The following MGAM variants were observed in gnomAD, a reference collection of about 807,000 sequenced individuals.
MGAM encodes maltase-glucoamylase.
Under a neutral mutation model 358.8 loss-of-function variants are expected in MGAM, and 253 were observed. That is an observed-to-expected ratio of 0.71 (90% CI 0.64 to 0.78). The LOEUF (loss-of-function observed/expected upper bound fraction) is 0.78. Ranked by LOEUF, MGAM falls within the 30% of genes least tolerant of loss-of-function variation. MGAM has a pLI of 0.00. For missense variants in MGAM, 3,080 were observed against 3,432.6 expected (o/e 0.90, Z 2.57); for synonymous variants, 1,105 against 1,227.1 (o/e 0.90, Z 2.08).
chr7:142,091,853 T>C, intron 57 of MGAM, 60 bp from the exon 58 acceptor site: 1 of 1,370,776 alleles, frequency 7.3e-7, no homozygotes, highest in East Asian at 2.4e-5. Context: ...TCTCAGTAAG[T>C]GCCTGTTTGC....
chr7:142,051,064 G>T (rs1261164469), intron 24 of MGAM, among the ~76,000 whole-genome samples, 200 bp downstream of exon 24: 1 of 151,994 alleles, frequency 6.6e-6, no homozygotes, highest in African/African-American at 2.4e-5. Flanking sequence ...TCCCTTCTCT[G>T]CCTATCAGTG....
chr7:142,042,386 T>A (rs1333560037), intron 21 of MGAM, among the ~76,000 whole-genome samples: 1 of 5,284 alleles, frequency 1.9e-4, no homozygotes, highest in Admixed American at 4.5e-3. Flanking sequence ...TAACATATAT[T>A]ATATATACAT....
At chr7:142,029,258 G>A (rs992986010) in intron 10 of MGAM, among the ~76,000 whole-genome samples, 3 of 152,146 alleles carry the variant, frequency 2.0e-5, no homozygotes, top group African/African-American at 7.2e-5. Flanking sequence ...TATTCGGGAA[G>A]CTGAGACATG....
At chr7:142,064,745 A>G (rs1812558392) in intron 37 of MGAM, among the ~76,000 whole-genome samples, 1 of 152,226 alleles carries the variant, frequency 6.6e-6, no homozygotes, top group Admixed American at 6.5e-5. Flanking sequence ...CCCACCAGTG[A>G]AAAACTTAAT....
chr7:142,006,573 T>C (rs574982637), intron 2 of MGAM, among the ~76,000 whole-genome samples: 1 of 152,268 alleles, frequency 6.6e-6, no homozygotes, highest in African/African-American at 2.4e-5. Context: ...TTGGGAGCCA[T>C]TGCTTTGTGC....
At chr7:142,024,818 T>C (rs1806801907) in intron 7 of MGAM, among the ~76,000 whole-genome samples, 1 of 152,232 alleles carries the variant, frequency 6.6e-6, no homozygotes, top group Non-Finnish European at 1.5e-5. Flanking sequence ...TATCACAGCC[T>C]TCACATTCCT....
intron 10 of MGAM, among the ~76,000 whole-genome samples, chr7:142,029,666 A>G (rs1370410987): frequency 6.6e-6 from 1 of 152,220 alleles, no homozygotes; most frequent in Non-Finnish European, 1.5e-5. Context: ...AGGATATAGT[A>G]TGGACATGTA....
chr7:141,997,064 A>G (rs1349755813), intron 1 of MGAM, among the ~76,000 whole-genome samples: 1 of 152,230 alleles, frequency 6.6e-6, no homozygotes, highest in Admixed American at 6.5e-5. Flanking sequence ...GTCTAGCTAG[A>G]CACACGCAGG....
intron 34 of MGAM, among the ~76,000 whole-genome samples, chr7:142,061,048 G>T (rs955012339): frequency 2.0e-5 from 3 of 152,158 alleles, no homozygotes; most frequent in Non-Finnish European, 2.9e-5. Context: ...TTGCTTGAAT[G>T]AATACATGGC....
rs140862691 is a variant in MGAM, at chr7:142,088,594, A to ATATC, written c.6810+1894_6810+1897dup. ...TATCTATCATCTACCTCATCTATCT[A>ATATC]TATCTATCTATCTATCTATCCACTC... On this transcript the variant is annotated intron_variant, in intron 57 of 70. Coordinates refer to ENST00000475668, the MANE Select transcript of MGAM (RefSeq NM_001365693.1). Among the ~76,000 whole-genome samples, 13 of 140,020 alleles carry ATATC rather than the reference A, an allele frequency of 9.3e-5. 1 individual carries two copies. Among genetic ancestry groups the ATATC allele is most frequent in the South Asian group, 6.9e-4 (3 of 4,328 alleles). The allele number at this position is 140,020 out of a possible 152,430, so 91.9% of individuals were successfully genotyped here.
Position 142,076,942 on chromosome 7 carries a change from T to C in MGAM, c.5493+116T>C. The C allele has an allele frequency of 2.5e-6, 3 of 1,203,674 alleles. 1 individual carries two copies. Among genetic ancestry groups the C allele is most frequent in the Non-Finnish European group, 3.6e-6 (3 of 840,388 alleles). The allele number at this position is 1,203,674 out of a possible 1,614,324, so 74.6% of individuals were successfully genotyped here. ...TACCAGGGCACCTTTGATGCATGTT[T>C]TGGGGAATTGAGAGGGCACCTTTGA... On this transcript the variant is annotated intron_variant, in intron 47 of 70. Transcript: ENST00000475668.
intron 67 of MGAM, among the ~76,000 whole-genome samples, chr7:142,100,023 A>C (rs1468487182): frequency 6.6e-6 from 1 of 152,216 alleles, no homozygotes; most frequent in Non-Finnish European, 1.5e-5. Flanking sequence ...ACCACGATTC[A>C]TAATAGTTTT....
Position 142,034,788 on chromosome 7 carries a change from C to A in MGAM, c.1906C>A (p.Leu636Met), listed in dbSNP as rs373321374. The A allele has an allele frequency of 2.5e-6, 4 of 1,613,406 alleles. No individual in the cohort carries two copies. The highest frequency in any genetic ancestry group is 2.2e-5 in the South Asian group (2 of 91,076). ...LGDNTATWDD[L>M]RWSIPGVLEF... ...AGACAACACTGCCACCTGGGATGAC[C>A]TGAGATGGTCCATCCCTGGCGTGCT... is the stretch of plus-strand genomic sequence containing the variant. Residue 636 changes from leucine (L) to methionine (M), a missense_variant, in exon 16 of 71, where the codon CTG becomes ATG. Physicochemically the swap from Leu to Met is conservative, Grantham distance 15. Coordinates refer to ENST00000475668, the MANE Select transcript of MGAM (RefSeq NM_001365693.1).
At chr7:142,052,526 A>G (rs1563168698) in intron 25 of MGAM, 80 bp downstream of exon 25, 5 of 1,540,554 alleles carry the variant, frequency 3.2e-6, no homozygotes, top group East Asian at 2.3e-5. Context: ...AGTGGTACTT[A>G]CATAACTACT....
rs1195300267 is a variant in MGAM at position 142,043,213 on chromosome 7, C to A, written c.2498+2367C>A. On this transcript the variant is annotated intron_variant, in intron 21 of 70. Transcript: ENST00000475668. ...AAATATAATATATATATTATATATACATATAATATCTAAATATAATATATA... is the reference window on the plus strand; with the variant it reads ...AAATATAATATATATATTATATATAAATATAATATCTAAATATAATATATA... Among the ~76,000 whole-genome samples the A allele has an allele frequency of 6.6e-4, 7 of 10,640 alleles. 2 individuals are homozygous for A. Among genetic ancestry groups the A allele is most frequent in the African/African-American group, 4.0e-3 (7 of 1,730 alleles). 7.0% of individuals were successfully genotyped at this position (10,640 alleles called of 152,430 possible).
In MGAM at chr7:142,042,182, TATTATATATACATATAATATATAAC is replaced by T. The variant is rs1156534931; in HGVS notation, c.2498+1339_2498+1363del. On this transcript the variant is annotated intron_variant, in intron 21 of 70. Transcript: ENST00000475668. ...TACATATAATATATAATATATAACA[TATTATATATACATATAATATATAAC>T]ATATTATATATACATATAATATATA... is the stretch of plus-strand genomic sequence containing the variant. Among the ~76,000 whole-genome samples, 152 of 16,784 alleles carry T rather than the reference TATTATATATACATATAATATATAAC, an allele frequency of 9.1e-3. 39 individuals carry two copies. The highest frequency in any genetic ancestry group is 0.024 in the African/African-American group (90 of 3,762). 11.0% of individuals were successfully genotyped at this position (16,784 alleles called of 152,430 possible).
chr7:142,082,145 A>G lies in MGAM; in HGVS notation c.6106A>G (p.Thr2036Ala). Residue 2036 changes from threonine (T) to alanine (A), a missense_variant, in exon 51 of 71, where the codon ACG becomes GCG. Physicochemically the swap from Thr to Ala is moderately conservative, Grantham distance 58. Around this residue, in one of 5 missense-constraint regions of MGAM, gnomAD observed 932 missense variants for 1,198.2 expected, o/e 0.78. Transcript: ENST00000475668. ...CTATGGCTTTGGGGAGACTGAGCAC[A>G]CGTCCTACAGGAGAGACTTGGAGTG... ...YLYGFGETEH[T>A]SYRRDLEWHT... 1 of 1,555,542 alleles carries G rather than the reference A, an allele frequency of 6.4e-7. No homozygotes were observed. Among genetic ancestry groups the G allele is most frequent in the South Asian group, 1.1e-5 (1 of 89,158 alleles).
At chr7:142,003,914 A>G (rs534542065) in intron 1 of MGAM, among the ~76,000 whole-genome samples, 5 of 152,198 alleles carry the variant, frequency 3.3e-5, no homozygotes, top group South Asian at 4.1e-4. Context: ...AAAAAGGCAT[A>G]CAAGTGGCCA....
intron 18 of MGAM, 145 bp from the exon 19 acceptor site, chr7:142,038,386 G>T (rs923576066): frequency 1.6e-6 from 1 of 622,892 alleles, no homozygotes; most frequent in Non-Finnish European, 2.9e-6. Context: ...GTGCAGAGGG[G>T]CTTGAGTAGG....
Sources: gnomAD v4.1 joint callset for allele counts (sites outside exome capture counted in the v4.1 genomes callset) on GRCh38, gnomAD v4.1.1 for gene constraint, gnomAD v4.1.1 regional missense constraint, MANE v1.5 for transcripts, NCBI Gene and HGNC (gene_info 2026-07-23, HGNC 2026-07-21) for gene names.